The following NUMBL variants were observed in gnomAD, a reference collection of about 807,000 sequenced individuals.
NUMBL encodes NUMB like endocytic adaptor protein.
NUMBL carries 20 observed loss-of-function variants against 48.9 expected under a neutral mutation model. The observed-to-expected ratio is 0.41, with a 90% CI of 0.29 to 0.59. The LOEUF (loss-of-function observed/expected upper bound fraction) is 0.59, where lower values mean the gene tolerates loss of function less well. NUMBL is among the 20% of genes least tolerant of loss of function. NUMBL has a pLI of 0.31. For missense variants in NUMBL, 660 were observed against 846.2 expected (o/e 0.78, Z 2.73); for synonymous variants, 340 against 348.7 (o/e 0.98, Z 0.28).
intron 3 of NUMBL, 81 bp from the exon 4 acceptor site, chr19:40,683,049 T>C (rs1232351490): frequency 1.9e-5 from 23 of 1,202,440 alleles, no homozygotes; most frequent in Non-Finnish European, 2.7e-5. Flanking sequence ...GCATCTGCCA[T>C]GCAGTAGACA....
At position 40,677,226 on chromosome 19, in the gene NUMBL, A is replaced by AC. The variant is rs1397173756; in HGVS notation, c.730+5dup. The AC allele has an allele frequency of 1.9e-6, 3 of 1,552,786 alleles. No individual in the cohort carries two copies. The highest frequency in any genetic ancestry group is 2.6e-6 in the Non-Finnish European group (3 of 1,148,798). On this transcript the variant is annotated splice_donor_region_variant and intron_variant, in intron 7 of 9. Transcript: ENST00000252891. ...GTGCTCTGCTGGCGCTTGGGGCAACACCCACCTTTCTTCTTGTCCGGGGCC... is the reference window on the plus strand; with the variant it reads ...GTGCTCTGCTGGCGCTTGGGGCAACACCCCACCTTTCTTCTTGTCCGGGGCC...
intron 8 of NUMBL, among the ~76,000 whole-genome samples, chr19:40,670,717 G>T (rs1283439067): frequency 6.6e-6 from 1 of 152,164 alleles, no homozygotes; most frequent in Non-Finnish European, 1.5e-5. Flanking sequence ...TGCTGCGGGG[G>T]CGCCCGGGTG....
chr19:40,669,570 C>A (rs531116811), intron 9 of NUMBL, among the ~76,000 whole-genome samples: 14 of 148,058 alleles, frequency 9.5e-5, no homozygotes, highest in Admixed American at 3.4e-4. Context: ...TGGTTCTAGG[C>A]TGATCCCCTG....
chr19:40,677,839 T>G (rs540353021), intron 6 of NUMBL, among the ~76,000 whole-genome samples: 2 of 151,918 alleles, frequency 1.3e-5, no homozygotes, highest in East Asian at 1.9e-4. Flanking sequence ...CAGAGTGAGA[T>G]TCTGTCTAAA....
At position 40,682,611 on chromosome 19, in the gene NUMBL, C is replaced by T. The variant is rs985054984; in HGVS notation, c.399+117G>A. ...TGACGACAGAGGGAGCACACGGCAT[C>T]GTCTAGAAGGTCCCTGAGGGAGGGA... On this transcript the variant is annotated intron_variant, in intron 5 of 9. Transcript: ENST00000252891. The surrounding 1 kb of genome is among the most constrained non-coding windows in gnomAD (Gnocchi z 4.0). 1.5e-5 allele frequency: 13 copies of T among 869,860 alleles called. No individual in the cohort carries two copies. Among genetic ancestry groups the T allele is most frequent in the Non-Finnish European group, 2.0e-5 (11 of 554,578 alleles). 53.9% of individuals were successfully genotyped at this position (869,860 alleles called of 1,614,324 possible).
chr19:40,677,904 A>T (rs898504179), intron 6 of NUMBL, among the ~76,000 whole-genome samples: 1 of 152,134 alleles, frequency 6.6e-6, no homozygotes, highest in Admixed American at 6.6e-5. Flanking sequence ...TGGAAAGTGT[A>T]TGAGGGGATG....
intron 6 of NUMBL, 23 bp from the exon 7 acceptor site, chr19:40,677,444 G>C: frequency 6.3e-7 from 1 of 1,598,722 alleles, no homozygotes; most frequent in Non-Finnish European, 8.5e-7. Flanking sequence ...GATGGGCGGG[G>C]GGGTTAGAGG....
chr19:40,668,327 G>A (rs897716810), intron 9 of NUMBL, among the ~76,000 whole-genome samples, 189 bp from the exon 10 acceptor site: 11 of 152,276 alleles, frequency 7.2e-5, no homozygotes, highest in Middle Eastern at 3.4e-3. Context: ...TCTGGACCAC[G>A]TAATGGTTCT....
At chr19:40,689,189 CCA>C (rs772193465) in intron 1 of NUMBL, among the ~76,000 whole-genome samples, 1 of 152,116 alleles carries the variant, frequency 6.6e-6, no homozygotes, top group Admixed American at 6.5e-5. Flanking sequence ...ATGCCCACCC[CCA>C]GACTCAACAC....
chr19:40,683,551 G>A (rs1234727506), intron 3 of NUMBL, among the ~76,000 whole-genome samples: 2 of 152,192 alleles, frequency 1.3e-5, no homozygotes, highest in Non-Finnish European at 2.9e-5. Context: ...TCCAGGGAAG[G>A]GAACGTAAGG....
rs1045268634 is a variant in NUMBL at position 40,688,434 on chromosome 19, C to A, written c.25-1439G>T. Among the ~76,000 whole-genome samples the A allele has an allele frequency of 6.6e-6, 1 of 152,192 alleles. No individual in the cohort carries two copies. Among genetic ancestry groups the A allele is most frequent in the Non-Finnish European group, 1.5e-5 (1 of 68,040 alleles). On this transcript the variant is annotated intron_variant, in intron 1 of 9. Transcript: ENST00000252891. The surrounding 1 kb of genome is among the most constrained non-coding windows in gnomAD (Gnocchi z 4.6). The stretch of plus-strand genomic sequence containing the variant: ...CAGTGTATGCACATAAATGCAGTGA[C>A]CAGGATGTGGCATTTATAGCTGGGT...
rs115636297 is a variant in NUMBL, at chr19:40,669,189, G to T, written c.1159+709C>A. ...ATCCCACGGCTCTAAGATGATCCTT[G>T]GTTCTAGGATGATCCTCTGGTTCTA... is the stretch of plus-strand genomic sequence containing the variant. On this transcript the variant is annotated intron_variant, in intron 9 of 9. Coordinates refer to ENST00000252891, the MANE Select transcript of NUMBL (RefSeq NM_004756.5). Among the ~76,000 whole-genome samples, 281 of 152,172 alleles carry T rather than the reference G, an allele frequency of 1.8e-3. 1 individual carries two copies. Among genetic ancestry groups the T allele is most frequent in the African/African-American group, 6.6e-3 (275 of 41,522 alleles).
Position 40,673,583 on chromosome 19 carries a change from G to A in NUMBL, c.797C>T (p.Pro266Leu), listed in dbSNP as rs1349646209. ...CTTCTCACCAGGGGATGTGGTGGCTGGTGTCGGGGACACGTGCCCAGGCTG... is the reference window on the plus strand; with the variant it reads ...CTTCTCACCAGGGGATGTGGTGGCTAGTGTCGGGGACACGTGCCCAGGCTG... The part of the protein sequence containing the change: ...PAQPGHVSPT[P>L]ATTSPGEKGE... Residue 266 changes from proline (P) to leucine (L), a missense_variant, in exon 8 of 10, where the codon CCA (proline) becomes CTA (leucine). Transcript: ENST00000252891. This position sits in a 1 kb window ranked among gnomAD's most constrained non-coding sequence, Gnocchi z 5.9. The A allele has an allele frequency of 6.5e-7, 1 of 1,541,452 alleles. No homozygotes were observed. The highest frequency in any genetic ancestry group is 8.8e-7 in the Non-Finnish European group (1 of 1,140,362).
chr19:40,689,718 C>T (rs886532108), intron 1 of NUMBL: 1 of 152,386 alleles, frequency 6.6e-6, no homozygotes, highest in Non-Finnish European at 1.5e-5. Context: ...GGTGGGGCCA[C>T]TCTTGGACAG....
chr19:40,677,915 A>T (rs1443720587), intron 6 of NUMBL, among the ~76,000 whole-genome samples: 1 of 152,006 alleles, frequency 6.6e-6, no homozygotes, highest in African/African-American at 2.4e-5. Context: ...TGAGGGGATG[A>T]CCGGGTGGTG....
At chr19:40,669,693 T>C (rs550558628) in intron 9 of NUMBL, among the ~76,000 whole-genome samples, 2 of 151,514 alleles carry the variant, frequency 1.3e-5, no homozygotes, top group East Asian at 3.9e-4. Flanking sequence ...TGATCCATGG[T>C]TCTAAAGTAA....
intron 5 of NUMBL, among the ~76,000 whole-genome samples, chr19:40,681,280 A>G (rs1366350029): frequency 6.6e-6 from 1 of 152,132 alleles, no homozygotes; most frequent in Non-Finnish European, 1.5e-5. Flanking sequence ...GTGATGAAGG[A>G]GGCCCAGGCA....
intron 9 of NUMBL, among the ~76,000 whole-genome samples, chr19:40,668,620 G>A (rs1242631399): frequency 3.3e-5 from 5 of 151,856 alleles, no homozygotes; most frequent in East Asian, 1.9e-4. Flanking sequence ...CATTACGCCC[G>A]GCTGATTTTT....
At chr19:40,684,939 T>C (rs2081926709) in intron 2 of NUMBL, 5 of 235,336 alleles carry the variant, frequency 2.1e-5, no homozygotes, top group Admixed American at 1.6e-4. Flanking sequence ...TAGGAGGGCA[T>C]GGGGGCTAGA....
Sources: gnomAD v4.1 joint callset for allele counts (sites outside exome capture counted in the v4.1 genomes callset) on GRCh38, gnomAD v4.1.1 for gene constraint, Gnocchi (gnomAD v3.1) non-coding constraint, MANE v1.5 for transcripts, NCBI Gene and HGNC (gene_info 2026-07-23, HGNC 2026-07-21) for gene names.